Variants in MPPE1 observed in about 807,000 individuals in gnomAD.
MPPE1 encodes metallophosphoesterase 1.
A neutral mutation model predicts 43.8 loss-of-function variants in MPPE1; 28 were observed. The ratio of observed to expected loss-of-function variants is 0.64; its 90% CI spans 0.47 to 0.88. MPPE1 has a LOEUF of 0.88. MPPE1 is among the 40% of genes least tolerant of loss of function. The pLI is 0.00. For synonymous variants in MPPE1, 159 were observed against 188.5 expected (o/e 0.84, Z 1.28); for missense variants, 428 against 492.2 (o/e 0.87, Z 1.23).
intron 4 of MPPE1, 62 bp from the exon 5 acceptor site, chr18:11,889,552 A>G: frequency 7.7e-7 from 1 of 1,302,968 alleles, no homozygotes; most frequent in Non-Finnish European, 1.1e-6. Context: ...GGCTAAAAAA[A>G]CAGGATCCCT....
chr18:11,894,760 T>C (rs892738783), intron 3 of MPPE1, among the ~76,000 whole-genome samples: 5 of 151,804 alleles, frequency 3.3e-5, no homozygotes, highest in African/African-American at 7.3e-5. Flanking sequence ...CCAGCTAATT[T>C]TGTATATTTA....
chr18:11,885,156 T>G, intron 10 of MPPE1: 1 of 791,314 alleles, frequency 1.3e-6, no homozygotes, highest in Non-Finnish European at 1.7e-6. Context: ...ATGTTAGGGT[T>G]TCCTCCACCT....
chr18:11,886,947 T>G lies in MPPE1; in HGVS notation c.648A>C (p.Glu216Asp), dbSNP rs61746954. Residue 216 changes from glutamate (E) to aspartate (D), a missense_variant, in exon 7 of 11, where the codon GAA becomes GAC. By Grantham distance (45) the Glu-to-Asp change is conservative. Around this residue, in one of 3 missense-constraint regions of MPPE1, gnomAD observed 379 missense variants for 402.5 expected, o/e 0.94. Transcript: ENST00000588072. The surrounding 1 kb of genome is among the most constrained non-coding windows in gnomAD (Gnocchi z 4.1). The stretch of plus-strand genomic sequence containing the variant: ...GGGAGCAGTTCAGTCTGTGAGAAAC[T>G]TCAATGAGCTCTGCTTCTGTTTCAG... ...ICSETEAELI[E>D]VSHRLNCSRE... 22,077 of 1,613,550 alleles carry G rather than the reference T, an allele frequency of 0.014. 221 individuals are homozygous for G. Among genetic ancestry groups the G allele is most frequent in the Non-Finnish European group, 0.017 (19,485 of 1,179,738 alleles).
chr18:11,899,525 T>C (rs1436193664), intron 2 of MPPE1, among the ~76,000 whole-genome samples: 1 of 152,170 alleles, frequency 6.6e-6, no homozygotes, highest in Non-Finnish European at 1.5e-5. Context: ...AGCATCTATT[T>C]TGGAGACCTC....
chr18:11,883,055 TTC>T lies in MPPE1; in HGVS notation c.*1388_*1389del, dbSNP rs1457194576. 15 of 152,222 alleles carry T rather than the reference TTC, an allele frequency of 9.9e-5. No individual in the cohort carries two copies. Among genetic ancestry groups the T allele is most frequent in the African/African-American group, 3.6e-4 (15 of 41,458 alleles). The allele number at this position is 152,222 out of a possible 1,614,324, so 9.4% of individuals were successfully genotyped here. On this transcript the variant is annotated 3_prime_UTR_variant, in exon 11 of 11. Transcript: ENST00000588072. ...AGCCTACATTACTTCATTATTACTC[TTC>T]TTTTAGTCTTTAGTCTTTAATATTT...
In MPPE1 at chr18:11,901,155, C is replaced by A. The variant is rs1050523689; in HGVS notation, c.-92-3799G>T. 7.9e-5 allele frequency among the ~76,000 whole-genome samples: 12 copies of A among 152,154 alleles called. No individual in the cohort carries two copies. In the East Asian group the frequency reaches 1.9e-3, roughly 25 times the overall value. On this transcript the variant is annotated intron_variant, in intron 2 of 10. Coordinates refer to ENST00000588072, the MANE Select transcript of MPPE1 (RefSeq NM_023075.6). ...GGTAGGCAATGGTGAAATGGACGGC[C>A]CTTCCATTGGGGACTGTCATTCCTC...
Position 11,893,503 on chromosome 18 carries a change from C to G in MPPE1, c.355G>C (p.Asp119His), listed in dbSNP as rs761253812. 1 of 1,613,978 alleles carries G rather than the reference C, an allele frequency of 6.2e-7. No individual in the cohort carries two copies. ...LQPEVVFILG[D>H]IFDEGKWSTP... ...CTCCACTTCCCTTCATCAAAGATAT[C>G]CCCCAGGATGAAGACGACTTCCGGC... Residue 119 changes from aspartate (D) to histidine (H), a missense_variant, in exon 4 of 11, where the codon GAT becomes CAT. Physicochemically the swap from Asp to His is moderately conservative, Grantham distance 81. This residue lies in a region of MPPE1 where 379 missense variants were observed against 402.5 expected (regional missense o/e 0.94). Transcript: ENST00000588072.
intron 2 of MPPE1, chr18:11,905,414 A>C (rs1371361769): frequency 6.6e-6 from 1 of 152,206 alleles, no homozygotes; most frequent in Non-Finnish European, 1.5e-5. Flanking sequence ...AGCATTCCCA[A>C]GGTTGTCTTC....
Position 11,900,683 on chromosome 18 carries a change from A to G in MPPE1, c.-92-3327T>C, listed in dbSNP as rs573271944. ...AGCACTTTGGGAGGCCAAGGTGGGC[A>G]GATCACGAGGTCAGGAGATCGAGAC... On this transcript the variant is annotated intron_variant, in intron 2 of 10. Coordinates refer to ENST00000588072, the MANE Select transcript of MPPE1 (RefSeq NM_023075.6). Among the ~76,000 whole-genome samples the G allele has an allele frequency of 6.9e-3, 1,051 of 152,118 alleles. 18 individuals are homozygous for G. The highest frequency in any genetic ancestry group is 5.8e-3 in the Non-Finnish European group (396 of 67,976).
chr18:11,885,474 A>G (rs747795219), intron 10 of MPPE1: 52 of 633,068 alleles, frequency 8.2e-5, no homozygotes, highest in Non-Finnish European at 1.2e-4. Flanking sequence ...CGCTTCTCAC[A>G]TTAACTGCCC....
chr18:11,895,234 CAGG>C (rs1307875268), intron 3 of MPPE1: 1 of 152,258 alleles, frequency 6.6e-6, no homozygotes, highest in Non-Finnish European at 1.5e-5. Flanking sequence ...CACTTGAGGC[CAGG>C]AGTTCAAAAC....
At chr18:11,890,900 A>C (rs1301320722) in intron 4 of MPPE1, among the ~76,000 whole-genome samples, 1 of 152,232 alleles carries the variant, frequency 6.6e-6, no homozygotes, top group Non-Finnish European at 1.5e-5. Context: ...GGGAGAAAGA[A>C]AGACAAAAAA....
chr18:11,890,155 G>A (rs1047347837), intron 4 of MPPE1, among the ~76,000 whole-genome samples: 1 of 151,166 alleles, frequency 6.6e-6, no homozygotes, highest in Admixed American at 6.6e-5. Context: ...TGTTAGCCAG[G>A]ATGGTCGCGA....
intron 3 of MPPE1, 70 bp downstream of exon 3, chr18:11,896,914 T>C (rs367678601): frequency 1.6e-5 from 22 of 1,357,414 alleles, no homozygotes; most frequent in East Asian, 9.3e-5. Context: ...CCATAAGCCT[T>C]GCCTATGAGG....
chr18:11,901,181 T>C (rs1176964161), intron 2 of MPPE1, among the ~76,000 whole-genome samples: 9 of 152,126 alleles, frequency 5.9e-5, no homozygotes. Context: ...GTCATTCCTC[T>C]GTTTCATTAG....
At chr18:11,907,696 G>C (rs2039859956) in intron 1 of MPPE1, among the ~76,000 whole-genome samples, 2 of 149,878 alleles carry the variant, frequency 1.3e-5, no homozygotes, top group South Asian at 4.3e-4. Context: ...TGTTATGGTG[G>C]GGGCGGGGGA....
At chr18:11,889,236 C>A (rs1478221575) in intron 5 of MPPE1, 151 bp downstream of exon 5, 2 of 537,988 alleles carry the variant, frequency 3.7e-6, no homozygotes, top group Non-Finnish European at 6.6e-6. Context: ...AAGTAAAAAC[C>A]CCTTAAAGAG....
chr18:11,892,724 G>A (rs944286844), intron 4 of MPPE1, among the ~76,000 whole-genome samples: 1 of 151,476 alleles, frequency 6.6e-6, no homozygotes, highest in Non-Finnish European at 1.5e-5. Flanking sequence ...CTGGTACTAC[G>A]GGCATGTGAT....
intron 4 of MPPE1, chr18:11,891,339 G>A (rs1235451114): frequency 6.6e-6 from 1 of 152,058 alleles, no homozygotes; most frequent in African/African-American, 2.4e-5. Flanking sequence ...TGGGTGTGGT[G>A]GCGGGTGCCT....
Sources: allele counts gnomAD v4.1 joint callset (sites outside exome capture counted in the v4.1 genomes callset), GRCh38; gene constraint gnomAD v4.1.1; regional missense constraint gnomAD v4.1.1; non-coding constraint Gnocchi (gnomAD v3.1); transcripts MANE v1.5; gene names NCBI Gene and HGNC (gene_info 2026-07-23, HGNC 2026-07-21).